Variants in CEP20 observed in about 807,000 individuals in gnomAD.
CEP20 encodes centrosomal protein 20, also known as FGFR1OP N-terminal like.
A neutral mutation model predicts 20.0 loss-of-function variants in CEP20; 18 were observed. The ratio of observed to expected loss-of-function variants is 0.90; its 90% CI spans 0.62 to 1.34. The LOEUF (loss-of-function observed/expected upper bound fraction) is 1.34, where lower values mean the gene tolerates loss of function less well. Among genes scored for constraint, CEP20 ranks in the 40% most tolerant of loss-of-function variants. The pLI is 0.00. For missense variants in CEP20, 215 were observed against 201.6 expected, an observed-to-expected ratio of 1.07 and a Z score of -0.40; for synonymous variants, 77 against 73.7, an observed-to-expected ratio of 1.04 and a Z score of -0.23.
chr16:15,872,483 G>C (rs567079648), intron 4 of CEP20, among the ~76,000 whole-genome samples: 30 of 152,252 alleles, frequency 2.0e-4, no homozygotes, highest in Non-Finnish European at 3.7e-4. Context: ...GCTGAGGTGG[G>C]AAATCACTTA....
chr16:15,874,222 G>A (rs969838582), intron 3 of CEP20, among the ~76,000 whole-genome samples: 1 of 152,154 alleles, frequency 6.6e-6, no homozygotes, highest in Non-Finnish European at 1.5e-5. Flanking sequence ...TTTTTACTGT[G>A]CCTGGCACAT....
In CEP20 at chr16:15,867,274, G is replaced by A; in HGVS notation, c.*166C>T. On this transcript the variant is annotated 3_prime_UTR_variant, in exon 5 of 5. Transcript: ENST00000255759. Reference sequence around the variant, plus strand: ...TCAAGTCAAATCCAATAAGCTAGATGACAAGAGTTAGCTTTTATTCACAAA... The same window carrying A: ...TCAAGTCAAATCCAATAAGCTAGATAACAAGAGTTAGCTTTTATTCACAAA... The A allele has an allele frequency of 1.5e-5, 7 of 479,094 alleles. No homozygotes were observed. Among genetic ancestry groups the A allele is most frequent in the Admixed American group, 3.7e-5 (1 of 27,186 alleles). 29.7% of individuals were successfully genotyped at this position (479,094 alleles called of 1,614,324 possible).
At chr16:15,869,760 G>A (rs964750280) in intron 4 of CEP20, among the ~76,000 whole-genome samples, 4 of 152,186 alleles carry the variant, frequency 2.6e-5, no homozygotes, top group Admixed American at 6.5e-5. Flanking sequence ...GAGTTACGGA[G>A]ACAGTAAGCT....
chr16:15,869,102 T>C (rs2044752290), intron 4 of CEP20, among the ~76,000 whole-genome samples: 2 of 150,120 alleles, frequency 1.3e-5, no homozygotes, highest in South Asian at 2.1e-4. Flanking sequence ...AAAATGTGTG[T>C]GTGTGTATAT....
At chr16:15,887,842 C>A (rs1486075362) in intron 1 of CEP20, among the ~76,000 whole-genome samples, 1 of 151,950 alleles carries the variant, frequency 6.6e-6, no homozygotes, top group African/African-American at 2.4e-5. Flanking sequence ...ACCTGTAATC[C>A]CAGCACTTTG....
At chr16:15,877,237 T>C (rs972316531) in intron 3 of CEP20, 3 of 152,418 alleles carry the variant, frequency 2.0e-5, no homozygotes, top group African/African-American at 7.2e-5. Context: ...ACCGCTCCAA[T>C]TTTAGTTTAT....
rs1181194027 is a variant in CEP20 at position 15,871,108 on chromosome 16, A to T, written c.448+2383T>A. ...TGAACCTCATCTCTACTAAAAATACAAAAATTAGGCGGGTGTGGTAGCACA... is the reference window on the plus strand; with the variant it reads ...TGAACCTCATCTCTACTAAAAATACTAAAATTAGGCGGGTGTGGTAGCACA... On this transcript the variant is annotated intron_variant, in intron 4 of 4. Coordinates refer to ENST00000255759, the MANE Select transcript of CEP20 (RefSeq NM_144600.4). 2.0e-5 allele frequency among the ~76,000 whole-genome samples: 3 copies of T among 151,970 alleles called. No individual in the cohort carries two copies. In the South Asian group the frequency reaches 6.2e-4, roughly 32 times the overall value.
intron 2 of CEP20, among the ~76,000 whole-genome samples, chr16:15,881,204 T>C (rs1313852250): frequency 6.6e-6 from 1 of 152,112 alleles, no homozygotes; most frequent in Non-Finnish European, 1.5e-5. Flanking sequence ...AACTGTACAG[T>C]TTAAAAGGTA....
chr16:15,872,171 G>A (rs773102159), intron 4 of CEP20, among the ~76,000 whole-genome samples: 4 of 152,028 alleles, frequency 2.6e-5, no homozygotes, highest in Admixed American at 6.6e-5. Context: ...AAAATTAGCC[G>A]AGTGTGGTGA....
At position 15,866,360 on chromosome 16, in the gene CEP20, G is replaced by T. The variant is rs1221443565; in HGVS notation, c.*1080C>A. On this transcript the variant is annotated 3_prime_UTR_variant, in exon 5 of 5. Transcript: ENST00000255759. ...AACCTTTAAGCTAAATGTTGTCAGT[G>T]TTTAGGTGTGCAGGCAAAATTTAAT... The T allele has an allele frequency of 1.3e-5, 2 of 152,198 alleles. No individual in the cohort carries two copies. The highest frequency in any genetic ancestry group is 2.9e-5 in the Non-Finnish European group (2 of 68,036). The allele number at this position is 152,198 out of a possible 1,614,324, so 9.4% of individuals were successfully genotyped here.
intron 3 of CEP20, among the ~76,000 whole-genome samples, chr16:15,879,530 AAAAC>A (rs10656462): frequency 2.6e-5 from 4 of 152,064 alleles, no homozygotes; most frequent in African/African-American, 9.7e-5. Flanking sequence ...TATAAATTAA[AAAAC>A]AAACAAAGCC....
Position 15,866,222 on chromosome 16 carries a change from T to C in CEP20, c.*1218A>G, listed in dbSNP as rs771941369. 5.3e-5 allele frequency: 8 copies of C among 152,220 alleles called. No homozygotes were observed. Among genetic ancestry groups the C allele is most frequent in the African/African-American group, 1.4e-4 (6 of 41,452 alleles). 9.4% of individuals were successfully genotyped at this position (152,220 alleles called of 1,614,324 possible). A position where few individuals can be genotyped will look rare whatever the true frequency, so the allele number is the denominator to read the frequency against. ...TGTAAGAAGTGAACACTGACTAGCA[T>C]TGCCAAACAGAAAATCAAAAGTTTC... On this transcript the variant is annotated 3_prime_UTR_variant, in exon 5 of 5. Transcript: ENST00000255759.
In CEP20 at chr16:15,873,602, G is replaced by C; in HGVS notation, c.337C>G (p.His113Asp). The change falls in exon 4 of 5, where the codon CAT (histidine) becomes GAT (aspartate). Residue 113 changes from histidine (H) to aspartate (D), a missense_variant. By Grantham distance (81) the His-to-Asp change is moderately conservative. Transcript: ENST00000255759. Reference sequence around the variant, plus strand: ...CCATCCTTAGTTCCACGCAAGAAATGGGCTAAAATCCCATATAAAAGAGGT... The same window carrying C: ...CCATCCTTAGTTCCACGCAAGAAATCGGCTAAAATCCCATATAAAAGAGGT... ...TIPLLYGILA[H>D]FLRGTKDGIQ... 1 of 1,613,714 alleles carries C rather than the reference G, an allele frequency of 6.2e-7. No homozygotes were observed. The highest frequency in any genetic ancestry group is 8.5e-7 in the Non-Finnish European group (1 of 1,179,796).
chr16:15,873,435 A>G, intron 4 of CEP20, 56 bp downstream of exon 4: 5 of 1,571,050 alleles, frequency 3.2e-6, no homozygotes, highest in South Asian at 1.2e-5. Context: ...AGAAAAATAT[A>G]TAGGAAGAAA....
intron 1 of CEP20, among the ~76,000 whole-genome samples, chr16:15,888,167 G>A (rs59707819): frequency 0.18 from 26,807 of 151,232 alleles, 2,314 homozygotes; most frequent in East Asian, 0.22. Flanking sequence ...GTTTAGGGCA[G>A]TGCCTAACCC....
At position 15,879,815 on chromosome 16, in the gene CEP20, C is replaced by T. The variant is rs1222612516; in HGVS notation, c.300G>A (p.Lys100=). The T allele has an allele frequency of 2.5e-6, 4 of 1,573,424 alleles. No individual in the cohort carries two copies. The highest frequency in any genetic ancestry group is 4.7e-5 in the East Asian group (2 of 42,338). The change falls in exon 3 of 5, where the codon AAG becomes AAA. Residue 100 remains lysine, a synonymous_variant. Transcript: ENST00000255759. The part of the protein sequence containing the change: ...IHELNAFEES[K]DNTIPLLYGI... ...AAAAAATGTCTTACATTGTATTATC[C>T]TTTGATTCTTCAAATGCATTTAGTT...
intron 3 of CEP20, among the ~76,000 whole-genome samples, chr16:15,875,209 A>G (rs1312883351): frequency 6.6e-6 from 1 of 152,238 alleles, no homozygotes; most frequent in African/African-American, 2.4e-5. Flanking sequence ...TTATTTAATA[A>G]GATGCCGCAA....
At chr16:15,878,591 G>A (rs950522667) in intron 3 of CEP20, among the ~76,000 whole-genome samples, 30 of 151,952 alleles carry the variant, frequency 2.0e-4, no homozygotes, top group African/African-American at 6.5e-4. Flanking sequence ...CCGCTGCCCA[G>A]GTTAAAGCGA....
chr16:15,872,263 G>A (rs1596990442), intron 4 of CEP20, among the ~76,000 whole-genome samples: 2 of 150,944 alleles, frequency 1.3e-5, no homozygotes, highest in South Asian at 2.1e-4. Flanking sequence ...ACAGTGAGAC[G>A]AGATCACACC....
Sources: gnomAD v4.1 joint callset for allele counts (sites outside exome capture counted in the v4.1 genomes callset) on GRCh38, gnomAD v4.1.1 for gene constraint, MANE v1.5 for transcripts, NCBI Gene and HGNC (gene_info 2026-07-23, HGNC 2026-07-21) for gene names.